Variants in ZNF599 observed in about 807,000 individuals in gnomAD.
ZNF599 encodes zinc finger protein 599.
In ZNF599, 10 loss-of-function variants were observed where a neutral mutation model predicts 11.7. That is an observed-to-expected ratio of 0.86 (90% CI 0.53 to 1.45). The LOEUF (loss-of-function observed/expected upper bound fraction) is 1.45. ZNF599 is among the 40% of genes most tolerant of loss of function. ZNF599 has a pLI of 0.00. For missense variants in ZNF599, 688 were observed against 713.6 expected (o/e 0.96, Z 0.41); for synonymous variants, 232 against 253.2 (o/e 0.92, Z 0.79).
At chr19:34,803,093 G>A in the ZNF599 span, among the ~76,000 whole-genome samples, 3 of 152,172 alleles carry the variant, frequency 2.0e-5, no homozygotes, top group African/African-American at 7.2e-5. Flanking sequence ...CCTGGCCAGG[G>A]AAAGGGAAAA....
chr19:34,777,851 A>G (rs2069229054), upstream of ZNF599, among the ~76,000 whole-genome samples: 1 of 151,910 alleles, frequency 6.6e-6, no homozygotes, highest in Admixed American at 6.6e-5. Flanking sequence ...TTGAACAGGT[A>G]CAAAGTTTCA....
chr19:34,764,295 T>C (rs2069129451), intron 3 of ZNF599: 1 of 152,094 alleles, frequency 6.6e-6, no homozygotes, highest in Non-Finnish European at 1.5e-5. Flanking sequence ...TGCTCAGGCG[T>C]ACATGGAACA....
At chr19:34,774,895 G>A (rs549974527), upstream of ZNF599, among the ~76,000 whole-genome samples, 57 of 152,266 alleles carry the variant, frequency 3.7e-4, 1 homozygote, top group South Asian at 1.9e-3. Flanking sequence ...TGACTGGATC[G>A]TGAGGGTAGA....
intron 3 of ZNF599, among the ~76,000 whole-genome samples, chr19:34,765,792 T>C (rs1182449335): frequency 6.6e-6 from 1 of 152,160 alleles, no homozygotes; most frequent in African/African-American, 2.4e-5. Context: ...GATGCAGATA[T>C]AACACACAGG....
Position 34,773,073 on chromosome 19 carries a change from T to C in ZNF599, c.-232A>G. The stretch of plus-strand genomic sequence containing the variant: ...TGTGGGGGTGGGATCGCGGCTGACA[T>C]AAAAGCGTGTAAGTGGGTCCTATCC... On this transcript the variant is annotated 5_prime_UTR_variant, in exon 1 of 4. The change abolishes an upstream ATG in the 5' untranslated region. Transcript: ENST00000329285. 1.9e-6 allele frequency: 1 copy of C among 534,312 alleles called. No individual in the cohort carries two copies. Among genetic ancestry groups the C allele is most frequent in the Non-Finnish European group, 3.2e-6 (1 of 308,590 alleles). The allele number at this position is 534,312 out of a possible 1,614,324, so 33.1% of individuals were successfully genotyped here.
chr19:34,780,675 AG>A, the ZNF599 span, among the ~76,000 whole-genome samples: 1 of 120,406 alleles, frequency 8.3e-6, no homozygotes, highest in South Asian at 3.2e-4. Flanking sequence ...GAAGGAAGGA[AG>A]GGGGAGGGAG....
At chr19:34,796,064 G>A in the ZNF599 span, among the ~76,000 whole-genome samples, 10 of 151,766 alleles carry the variant, frequency 6.6e-5, no homozygotes, top group South Asian at 2.1e-4. Context: ...CAGGTGATCC[G>A]CCCGCCTCAG....
At chr19:34,788,357 G>A in the ZNF599 span, among the ~76,000 whole-genome samples, 254 of 152,216 alleles carry the variant, frequency 1.7e-3, no homozygotes, top group African/African-American at 5.8e-3. Context: ...AAGATCTGAA[G>A]GCTATGATCA....
chr19:34,805,917 C>T, the ZNF599 span, among the ~76,000 whole-genome samples: 1 of 152,216 alleles, frequency 6.6e-6, no homozygotes, highest in Non-Finnish European at 1.5e-5. Context: ...TTCCACACCT[C>T]ATCCTATTGG....
the ZNF599 span, among the ~76,000 whole-genome samples, chr19:34,778,422 A>T: frequency 1.3e-5 from 2 of 152,106 alleles, no homozygotes; most frequent in African/African-American, 4.8e-5. Context: ...AGCAGAAAAA[A>T]CTTAGAGAAA....
At chr19:34,771,691 G>C (rs920397646) in intron 1 of ZNF599, among the ~76,000 whole-genome samples, 1 of 152,138 alleles carries the variant, frequency 6.6e-6, no homozygotes, top group Non-Finnish European at 1.5e-5. Flanking sequence ...TGGGGTATGG[G>C]GTGGGGTTGG....
At chr19:34,791,546 G>T in the ZNF599 span, among the ~76,000 whole-genome samples, 1 of 152,196 alleles carries the variant, frequency 6.6e-6, no homozygotes, top group Non-Finnish European at 1.5e-5. Context: ...TTACACTGAT[G>T]AAATCATGCA....
At chr19:34,771,150 G>A (rs999597688) in intron 1 of ZNF599, among the ~76,000 whole-genome samples, 2 of 152,074 alleles carry the variant, frequency 1.3e-5, no homozygotes, top group African/African-American at 4.8e-5. Flanking sequence ...GGCACACACC[G>A]ATAATCCTAG....
At position 34,758,366 on chromosome 19, in the gene ZNF599, A is replaced by G. The variant is rs1022705035; in HGVS notation, c.*668T>C. The G allele has an allele frequency of 9.2e-5, 14 of 152,274 alleles. No homozygotes were observed. The highest frequency in any genetic ancestry group is 6.5e-5 in the Admixed American group (1 of 15,294). The allele number at this position is 152,274 out of a possible 1,614,324, so 9.4% of individuals were successfully genotyped here. A position where few individuals can be genotyped will look rare whatever the true frequency, so the allele number is the denominator to read the frequency against. On this transcript the variant is annotated 3_prime_UTR_variant, in exon 4 of 4. Coordinates refer to ENST00000329285, the MANE Select transcript of ZNF599 (RefSeq NM_001007248.3). Reference sequence around the variant, plus strand: ...CATGTGTACATGTGCACATGTGTTAAGTATTTCATGACTCAAGCCTTTATA... The same window carrying G: ...CATGTGTACATGTGCACATGTGTTAGGTATTTCATGACTCAAGCCTTTATA...
At position 34,760,646 on chromosome 19, in the gene ZNF599, T is replaced by C. The variant is rs1294258274; in HGVS notation, c.242-87A>G. 2.5e-6 allele frequency: 3 copies of C among 1,207,388 alleles called. No individual in the cohort carries two copies. In the East Asian group the frequency reaches 7.5e-5, roughly 30 times the overall value. 74.8% of individuals were successfully genotyped at this position (1,207,388 alleles called of 1,614,324 possible). A position where few individuals can be genotyped will look rare whatever the true frequency, so the allele number is the denominator to read the frequency against. On this transcript the variant is annotated intron_variant, in intron 3 of 3. Coordinates refer to ENST00000329285, the MANE Select transcript of ZNF599 (RefSeq NM_001007248.3). ...CACCACTTTAGCAGAAGAATGAAGG[T>C]GAAAACAGTGTCTCTGATGCCTACT...
intron 3 of ZNF599, among the ~76,000 whole-genome samples, chr19:34,762,095 C>G (rs573944603): frequency 6.6e-6 from 1 of 152,190 alleles, no homozygotes; most frequent in South Asian, 2.1e-4. Context: ...ACACCAGAGC[C>G]TCAAAATACA....
At chr19:34,800,595 T>TTC in the ZNF599 span, among the ~76,000 whole-genome samples, 1 of 147,028 alleles carries the variant, frequency 6.8e-6, no homozygotes, top group Non-Finnish European at 1.5e-5. Flanking sequence ...TGTTTTTTTT[T>TTC]TTTTTTTTTT....
chr19:34,759,095 C>T lies in ZNF599; in HGVS notation c.1706G>A (p.Gly569Glu), dbSNP rs746500890. 1.3e-5 allele frequency: 21 copies of T among 1,614,032 alleles called. No homozygotes were observed. Among genetic ancestry groups the T allele is most frequent in the Admixed American group, 6.7e-5 (4 of 59,996 alleles). ...CGATGAACTGTGGCTGAAGGTCTTT[C>T]CACATTCATTGCATTCAAAGGGTTT... ...GEKPFECNEC[G>E]KTFSHSSSFT... Residue 569 changes from glycine to glutamate, a missense_variant, in exon 4 of 4, where the codon GGA becomes GAA. Gly to Glu is a moderately conservative substitution (Grantham distance 98). Coordinates refer to ENST00000329285, the MANE Select transcript of ZNF599 (RefSeq NM_001007248.3).
chr19:34,788,814 CTT>C, the ZNF599 span: 1 of 152,138 alleles, frequency 6.6e-6, no homozygotes, highest in Non-Finnish European at 1.5e-5. Context: ...TTCTAAGACT[CTT>C]TTTAAAAGTA....
Sources: allele counts gnomAD v4.1 joint callset (sites outside exome capture counted in the v4.1 genomes callset), GRCh38; gene constraint gnomAD v4.1.1; transcripts MANE v1.5; gene names NCBI Gene and HGNC (gene_info 2026-07-23, HGNC 2026-07-21).